RCOR2: variants seen among roughly 807,000 people sequenced by gnomAD.
The protein encoded by RCOR2 is REST corepressor 2.
RCOR2 carries 19 observed loss-of-function variants against 58.9 expected under a neutral mutation model. The observed-to-expected ratio is 0.32, with a 90% CI of 0.23 to 0.47. The LOEUF is 0.47. RCOR2 is among the 20% of genes least tolerant of loss of function. The pLI, the probability that RCOR2 is intolerant of heterozygous loss-of-function variation, is 1.00. For synonymous variants in RCOR2, 286 were observed against 278.7 expected (o/e 1.03, Z -0.26); for missense variants, 590 against 707.9 (o/e 0.83, Z 1.89).
At chr11:63,927,416 T>G in the RCOR2 span, among the ~76,000 whole-genome samples, 1 of 152,102 alleles carries the variant, frequency 6.6e-6, no homozygotes, top group African/African-American at 2.4e-5. Context: ...ACTACAGGTG[T>G]GTGCCACCAC....
Position 63,911,703 on chromosome 11 carries a change from CA to C in RCOR2, c.*161del. 8.5e-7 allele frequency: 1 copy of C among 1,171,476 alleles called. No individual in the cohort carries two copies. The highest frequency in any genetic ancestry group is 1.6e-5 in the African/African-American group (1 of 61,674). The allele number at this position is 1,171,476 out of a possible 1,614,324, so 72.6% of individuals were successfully genotyped here. A position where few individuals can be genotyped will look rare whatever the true frequency, so the allele number is the denominator to read the frequency against. ...AGGAGACAGGCCCAGCTGCCAGGAA[CA>C]CATGCAGAACCCAAAGGGCGGGGCT... On this transcript the variant is annotated 3_prime_UTR_variant, in exon 12 of 12. Coordinates refer to ENST00000301459, the MANE Select transcript of RCOR2 (RefSeq NM_173587.4).
At chr11:63,916,206 C>A in intron 1 of RCOR2, 124 bp downstream of exon 1, 1 of 913,096 alleles carries the variant, frequency 1.1e-6, no homozygotes. Flanking sequence ...AACGCAGAGG[C>A]TCCAATCCAG....
chr11:63,918,221 C>T (rs1941888942), upstream of RCOR2, among the ~76,000 whole-genome samples: 1 of 152,080 alleles, frequency 6.6e-6, no homozygotes, highest in Non-Finnish European at 1.5e-5. Flanking sequence ...GCCCTCCTCT[C>T]CCTTCCCTTC....
intron 8 of RCOR2, among the ~76,000 whole-genome samples, chr11:63,913,184 A>ATATATATT (rs1295322127): frequency 3.9e-5 from 3 of 77,888 alleles, no homozygotes; most frequent in African/African-American, 1.8e-4. Context: ...ATATATATAT[A>ATATATATT]TTTTTTTTTT....
chr11:63,914,625 C>T (rs373835383), intron 5 of RCOR2, 30 bp downstream of exon 5: 12 of 1,604,232 alleles, frequency 7.5e-6, no homozygotes, highest in African/African-American at 2.7e-5. Flanking sequence ...GGCAGAGGAG[C>T]GCCGGGGAGT....
intron 3 of RCOR2, 26 bp downstream of exon 3, chr11:63,915,152 A>G: frequency 6.5e-7 from 1 of 1,546,642 alleles, no homozygotes; most frequent in Non-Finnish European, 8.8e-7. Context: ...CCAAGCCCCC[A>G]CCTCCCAGGG....
chr11:63,919,841 C>T (rs369937381), upstream of RCOR2, among the ~76,000 whole-genome samples: 3 of 152,258 alleles, frequency 2.0e-5, no homozygotes, highest in Non-Finnish European at 4.4e-5. Flanking sequence ...GGCTGCAGGC[C>T]AGGACGCAGG....
intron 5 of RCOR2, 52 bp from the exon 6 acceptor site, chr11:63,914,593 G>A (rs1342928939): frequency 1.2e-6 from 2 of 1,611,028 alleles, no homozygotes; most frequent in Non-Finnish European, 1.7e-6. Context: ...CTGGGCCCCA[G>A]GTAAGCTCTT....
intron 8 of RCOR2, among the ~76,000 whole-genome samples, chr11:63,913,184 A>ATATTT (rs1295322127): frequency 6.4e-5 from 5 of 77,856 alleles, no homozygotes; most frequent in Non-Finnish European, 1.2e-4. Flanking sequence ...ATATATATAT[A>ATATTT]TTTTTTTTTT....
chr11:63,926,187 A>C, the RCOR2 span, among the ~76,000 whole-genome samples: 132 of 152,166 alleles, frequency 8.7e-4, 1 homozygote, highest in African/African-American at 3.0e-3. Context: ...CTGGGATTAC[A>C]GGCGTGAGCC....
At position 63,911,760 on chromosome 11, in the gene RCOR2, C is replaced by T. The variant is rs1941760942; in HGVS notation, c.*105G>A. On this transcript the variant is annotated 3_prime_UTR_variant, in exon 12 of 12. Coordinates refer to ENST00000301459, the MANE Select transcript of RCOR2 (RefSeq NM_173587.4). Reference sequence around the variant, plus strand: ...GTCCGAAACTCTGGTCTTACAAAGACCCCGCCAGAGCCCTAGTCCCTTCTG... The same window carrying T: ...GTCCGAAACTCTGGTCTTACAAAGATCCCGCCAGAGCCCTAGTCCCTTCTG... 1.1e-5 allele frequency: 15 copies of T among 1,398,466 alleles called. No homozygotes were observed. Among genetic ancestry groups the T allele is most frequent in the Non-Finnish European group, 1.4e-5 (15 of 1,086,300 alleles). 86.6% of individuals were successfully genotyped at this position (1,398,466 alleles called of 1,614,324 possible). A position where few individuals can be genotyped will look rare whatever the true frequency, so the allele number is the denominator to read the frequency against.
In RCOR2 at chr11:63,917,007, C is replaced by A. The variant is rs1035314841; in HGVS notation, c.-551G>T. Reference sequence around the variant, plus strand: ...GCGGCGACGGCGGCGGGACGGCGCGCACGGCGCGCGGCGCTGGGCAGAGTT... The same window carrying A: ...GCGGCGACGGCGGCGGGACGGCGCGAACGGCGCGCGGCGCTGGGCAGAGTT... On this transcript the variant is annotated 5_prime_UTR_variant, in exon 1 of 12. Coordinates refer to ENST00000301459, the MANE Select transcript of RCOR2 (RefSeq NM_173587.4). Among the ~76,000 whole-genome samples the A allele has an allele frequency of 6.8e-6, 1 of 146,768 alleles. No individual in the cohort carries two copies. The highest frequency in any genetic ancestry group is 2.4e-5 in the African/African-American group (1 of 40,902).
chr11:63,916,302 G>C, intron 1 of RCOR2, 28 bp downstream of exon 1: 1 of 1,579,242 alleles, frequency 6.3e-7, no homozygotes, highest in Non-Finnish European at 8.6e-7. Context: ...AGGCCGGCGC[G>C]CCTTTAACCC....
intron 9 of RCOR2, 22 bp downstream of exon 9, chr11:63,912,848 C>A: frequency 6.2e-7 from 1 of 1,612,822 alleles, no homozygotes; most frequent in Non-Finnish European, 8.5e-7. Flanking sequence ...CCTTTGCACC[C>A]TAACTTAAAG....
intron 5 of RCOR2, 24 bp downstream of exon 5, chr11:63,914,631 G>C: frequency 6.2e-7 from 1 of 1,605,236 alleles, no homozygotes; most frequent in Non-Finnish European, 8.5e-7. Flanking sequence ...GGAGCGCCGG[G>C]GAGTGGGGGT....
At position 63,915,203 on chromosome 11, in the gene RCOR2, G is replaced by T; in HGVS notation, c.240C>A (p.Pro80=). ...KELKGMLVWS[P]NHCVSDAKLD... Reference sequence around the variant, plus strand: ...GCTTGGCATCTGACACACAGTGGTTGGGTGACCACACCAGCATCCCCTTCA... The same window carrying T: ...GCTTGGCATCTGACACACAGTGGTTTGGTGACCACACCAGCATCCCCTTCA... The change falls in exon 3 of 12, where the codon CCC becomes CCA. Residue 80 remains proline, a synonymous_variant. Coordinates refer to ENST00000301459, the MANE Select transcript of RCOR2 (RefSeq NM_173587.4). 1 of 1,551,442 alleles carries T rather than the reference G, an allele frequency of 6.4e-7. No individual in the cohort carries two copies. The highest frequency in any genetic ancestry group is 1.2e-5 in the South Asian group (1 of 84,094).
the RCOR2 span, among the ~76,000 whole-genome samples, chr11:63,923,369 C>T: frequency 6.7e-6 from 1 of 150,274 alleles, no homozygotes; most frequent in African/African-American, 2.4e-5. Context: ...CTTAGTTGCC[C>T]CTTTCAGCTA....
rs569288378 is a variant in RCOR2 at position 63,916,821 on chromosome 11, C to T, written c.-365G>A. 47 of 208,864 alleles carry T rather than the reference C, an allele frequency of 2.3e-4. 1 individual carries two copies. The South Asian group carries it at 3.8e-3, about 17-fold the overall frequency. 12.9% of individuals were successfully genotyped at this position (208,864 alleles called of 1,614,324 possible). ...CCCTGGAACCCCACCGCCCACCTGCCCACGCCGTTCAGCGGCTGGGCGCTG... is the reference window on the plus strand; with the variant it reads ...CCCTGGAACCCCACCGCCCACCTGCTCACGCCGTTCAGCGGCTGGGCGCTG... On this transcript the variant is annotated 5_prime_UTR_variant, in exon 1 of 12. Transcript: ENST00000301459.
the RCOR2 span, among the ~76,000 whole-genome samples, chr11:63,923,128 TC>T: frequency 6.6e-6 from 1 of 151,388 alleles, no homozygotes; most frequent in Non-Finnish European, 1.5e-5. Flanking sequence ...AGATGGACCT[TC>T]CCCCTTCAAG....
Sources: gnomAD v4.1 joint callset for allele counts (sites outside exome capture counted in the v4.1 genomes callset) on GRCh38, gnomAD v4.1.1 for gene constraint, MANE v1.5 for transcripts, NCBI Gene and HGNC (gene_info 2026-07-23, HGNC 2026-07-21) for gene names.